Variants in AMPH observed in about 807,000 individuals in gnomAD.
AMPH encodes amphiphysin, also known as amphiphysin (Stiff-Mann syndrome with breast cancer 128kD autoantigen).
AMPH carries 49 observed loss-of-function variants against 99.1 expected under a neutral mutation model. That is an observed-to-expected ratio of 0.49 (90% CI 0.39 to 0.63). The LOEUF (loss-of-function observed/expected upper bound fraction) is 0.63, where lower values mean the gene tolerates loss of function less well. AMPH is among the 20% of genes least tolerant of loss of function. The pLI is 0.00. For missense variants in AMPH, 759 were observed against 863.4 expected (o/e 0.88, Z 1.52); for synonymous variants, 314 against 317.3 (o/e 0.99, Z 0.11).
chr7:38,485,410 C>A (rs754171195), intron 5 of AMPH, among the ~76,000 whole-genome samples: 58 of 151,964 alleles, frequency 3.8e-4, no homozygotes, highest in Non-Finnish European at 7.4e-4. Flanking sequence ...AAAGGTCAGT[C>A]CCTCAGGAAG....
chr7:38,476,165 G>T (rs867348523), intron 6 of AMPH, among the ~76,000 whole-genome samples: 1 of 152,218 alleles, frequency 6.6e-6, no homozygotes, highest in African/African-American at 2.4e-5. Context: ...GGAGGGGAAA[G>T]GAGACTTGAA....
Position 38,440,637 on chromosome 7 carries a change from G to A in AMPH, c.1018-4249C>T, listed in dbSNP as rs190279797. 4.6e-5 allele frequency among the ~76,000 whole-genome samples: 7 copies of A among 152,226 alleles called. No homozygotes were observed. The East Asian group carries it at 1.3e-3, about 29-fold the overall frequency. On this transcript the variant is annotated intron_variant, in intron 11 of 20. Transcript: ENST00000356264. ...AATGACAAAAATTGCATAAAAAACAGAAGTGGAGAAATGTGAGTATATTAT... is the reference window on the plus strand; with the variant it reads ...AATGACAAAAATTGCATAAAAAACAAAAGTGGAGAAATGTGAGTATATTAT...
At chr7:38,386,447 T>A (rs1784350739) in intron 20 of AMPH, among the ~76,000 whole-genome samples, 1 of 152,142 alleles carries the variant, frequency 6.6e-6, no homozygotes, top group African/African-American at 2.4e-5. Context: ...CAAGATATAT[T>A]CCAACACATA....
chr7:38,587,503 G>A (rs781535024), intron 1 of AMPH, among the ~76,000 whole-genome samples: 1 of 152,182 alleles, frequency 6.6e-6, no homozygotes, highest in Non-Finnish European at 1.5e-5. Context: ...GGTATTTGGG[G>A]AGATTTTGAC....
chr7:38,405,247 T>G (rs1192819344), intron 17 of AMPH, among the ~76,000 whole-genome samples: 1 of 152,158 alleles, frequency 6.6e-6, no homozygotes, highest in African/African-American at 2.4e-5. Context: ...GATACCACCA[T>G]AAAAGCACAC....
intron 1 of AMPH, among the ~76,000 whole-genome samples, chr7:38,540,803 T>A (rs1316225486): frequency 7.1e-6 from 1 of 140,536 alleles, no homozygotes; most frequent in African/African-American, 2.7e-5. Context: ...AGGCCAGGCA[T>A]GGCTTGTTAC....
chr7:38,552,992 G>C lies in AMPH; in HGVS notation c.70-17981C>G, dbSNP rs113969047. Reference sequence around the variant, plus strand: ...CGGACCCAATGGACTGCATTACCCAGGTTCCCTTGATCTTAACTTCCTGTA... The same window carrying C: ...CGGACCCAATGGACTGCATTACCCACGTTCCCTTGATCTTAACTTCCTGTA... On this transcript the variant is annotated intron_variant, in intron 1 of 20. Coordinates refer to ENST00000356264, the MANE Select transcript of AMPH (RefSeq NM_001635.4). Among the ~76,000 whole-genome samples the C allele has an allele frequency of 3.7e-3, 570 of 152,312 alleles. 4 individuals are homozygous for C. Among genetic ancestry groups the C allele is most frequent in the Middle Eastern group, 0.017 (5 of 294 alleles).
intron 2 of AMPH, among the ~76,000 whole-genome samples, chr7:38,522,639 C>T (rs1790010467): frequency 6.6e-6 from 1 of 152,150 alleles, no homozygotes; most frequent in Admixed American, 6.5e-5. Context: ...AATCAGCCTA[C>T]AGCTAGAGAG....
intron 5 of AMPH, among the ~76,000 whole-genome samples, chr7:38,489,067 A>G (rs1318744296): frequency 6.6e-6 from 1 of 152,218 alleles, no homozygotes; most frequent in Non-Finnish European, 1.5e-5. Flanking sequence ...ATAAAGCTAG[A>G]GGCATTACAC....
At chr7:38,524,072 C>A (rs1301598979) in intron 2 of AMPH, among the ~76,000 whole-genome samples, 1 of 152,122 alleles carries the variant, frequency 6.6e-6, no homozygotes, top group Non-Finnish European at 1.5e-5. Flanking sequence ...CTAGCAGTGG[C>A]ACAAATTAAC....
At chr7:38,457,984 A>C (rs1787298130) in intron 11 of AMPH, among the ~76,000 whole-genome samples, 1 of 152,176 alleles carries the variant, frequency 6.6e-6, no homozygotes, top group Non-Finnish European at 1.5e-5. Flanking sequence ...CATATATGTC[A>C]CCATGGTTTG....
In AMPH at chr7:38,578,461, A is replaced by T. The variant is rs558613060; in HGVS notation, c.70-43450T>A. ...AACGAAAATTTTTTTTAAATATTGC[A>T]TCATTTAAACTCACAATAGGTGAAC... is the stretch of plus-strand genomic sequence containing the variant. On this transcript the variant is annotated intron_variant, in intron 1 of 20. Coordinates refer to ENST00000356264, the MANE Select transcript of AMPH (RefSeq NM_001635.4). 4.6e-5 allele frequency among the ~76,000 whole-genome samples: 7 copies of T among 152,312 alleles called. No individual in the cohort carries two copies. In the South Asian group the frequency reaches 1.5e-3, roughly 32 times the overall value.
At chr7:38,492,429 C>A (rs754725106) in intron 4 of AMPH, among the ~76,000 whole-genome samples, 26 of 152,182 alleles carry the variant, frequency 1.7e-4, no homozygotes, top group Non-Finnish European at 3.5e-4. Context: ...ACCTGGACTG[C>A]CGACCTTTAA....
At chr7:38,604,616 T>C (rs1793365580) in intron 1 of AMPH, among the ~76,000 whole-genome samples, 1 of 152,156 alleles carries the variant, frequency 6.6e-6, no homozygotes, top group African/African-American at 2.4e-5. Flanking sequence ...CTCAGCTTCC[T>C]CAATAACTAC....
intron 1 of AMPH, among the ~76,000 whole-genome samples, chr7:38,571,276 T>G (rs1367185563): frequency 0.036 from 1,417 of 39,466 alleles, 118 homozygotes; most frequent in African/African-American, 0.15. Flanking sequence ...TTTATATATA[T>G]ATTTTTATAT....
rs762980572 is a variant in AMPH at position 38,461,278 on chromosome 7, C to G, written c.1017+5G>C. 15 of 1,613,638 alleles carry G rather than the reference C, an allele frequency of 9.3e-6. 1 individual carries two copies. The South Asian group carries it at 1.6e-4, about 18-fold the overall frequency. On this transcript the variant is annotated splice_donor_5th_base_variant and intron_variant, in intron 11 of 20. Transcript: ENST00000356264. ...GGACATACCAGCCCTGAACCAGGCACTTACCTGGGAAGGTGTTGTCACACT... is the reference window on the plus strand; with the variant it reads ...GGACATACCAGCCCTGAACCAGGCAGTTACCTGGGAAGGTGTTGTCACACT...
intron 1 of AMPH, among the ~76,000 whole-genome samples, chr7:38,625,415 C>T (rs569812857): frequency 2.3e-4 from 35 of 152,148 alleles, no homozygotes; most frequent in Non-Finnish European, 4.3e-4. Context: ...AAAGGCAAGG[C>T]AATTATTAAC....
intron 17 of AMPH, among the ~76,000 whole-genome samples, chr7:38,414,339 C>T (rs1351964736): frequency 1.3e-5 from 2 of 152,252 alleles, no homozygotes; most frequent in African/African-American, 4.8e-5. Flanking sequence ...ATTCTAAGAA[C>T]GTCTTTACCA....
intron 17 of AMPH, among the ~76,000 whole-genome samples, chr7:38,397,079 C>A: frequency 6.6e-6 from 1 of 152,196 alleles, no homozygotes; most frequent in Non-Finnish European, 1.5e-5. Flanking sequence ...ACGGTATGGA[C>A]AAACAGAGCA....
Sources: gnomAD v4.1 joint callset for allele counts (sites outside exome capture counted in the v4.1 genomes callset) on GRCh38, gnomAD v4.1.1 for gene constraint, MANE v1.5 for transcripts, NCBI Gene and HGNC (gene_info 2026-07-23, HGNC 2026-07-21) for gene names.